PPP2R3A: variants seen among roughly 807,000 people sequenced by gnomAD.
The protein encoded by PPP2R3A is serine/threonine-protein phosphatase 2A regulatory subunit B'' subunit alpha.
Under a neutral mutation model 106.9 loss-of-function variants are expected in PPP2R3A, and 80 were observed. The ratio of observed to expected loss-of-function variants is 0.75; its 90% confidence interval spans 0.62 to 0.90. The LOEUF is 0.90. Among genes scored for constraint, PPP2R3A ranks in the 40% least tolerant of loss-of-function variants. The pLI is 0.00. For synonymous variants in PPP2R3A, 483 were observed against 468.3 expected, an observed-to-expected ratio of 1.03 and a Z score of -0.41; for missense variants, 1,386 against 1,350.4, an observed-to-expected ratio of 1.03 and a Z score of -0.41.
intron 13 of PPP2R3A, among the ~76,000 whole-genome samples, chr3:136,143,158 CT>C (rs1014282665): frequency 6.6e-6 from 1 of 152,190 alleles, no homozygotes; most frequent in Non-Finnish European, 1.5e-5. Context: ...ATCAAGTAAG[CT>C]TTTTAAAAGG....
At chr3:136,097,555 T>A (rs566254595) in intron 10 of PPP2R3A, among the ~76,000 whole-genome samples, 1 of 152,366 alleles carries the variant, frequency 6.6e-6, no homozygotes, top group African/African-American at 2.4e-5. Context: ...TGCTTTAGCT[T>A]TATTTATTGT....
intron 13 of PPP2R3A, among the ~76,000 whole-genome samples, chr3:136,133,774 A>G (rs895084620): frequency 2.0e-5 from 3 of 150,106 alleles, no homozygotes; most frequent in Non-Finnish European, 4.4e-5. Flanking sequence ...AAAAATAAAT[A>G]TGTATATATA....
chr3:136,013,508 A>AT (rs958588134), intron 2 of PPP2R3A, among the ~76,000 whole-genome samples: 3 of 152,106 alleles, frequency 2.0e-5, no homozygotes, highest in Admixed American at 1.3e-4. Context: ...CACCATGCCA[A>AT]TATCTACTAT....
At chr3:136,056,597 G>A (rs1187890411) in intron 5 of PPP2R3A, among the ~76,000 whole-genome samples, 2 of 151,772 alleles carry the variant, frequency 1.3e-5, no homozygotes, top group Non-Finnish European at 2.9e-5. Flanking sequence ...CTGAAAATGG[G>A]TTAAAGACTT....
At chr3:136,106,037 C>G (rs1326130132) in intron 12 of PPP2R3A, among the ~76,000 whole-genome samples, 179 bp from the exon 13 acceptor site, 4 of 152,140 alleles carry the variant, frequency 2.6e-5, no homozygotes, top group African/African-American at 7.2e-5. Context: ...TATAATTTTG[C>G]CATTTGAGGT....
At chr3:136,043,242 G>A (rs533625260) in intron 4 of PPP2R3A, among the ~76,000 whole-genome samples, 2 of 152,142 alleles carry the variant, frequency 1.3e-5, no homozygotes, top group East Asian at 1.9e-4. Flanking sequence ...GGCAGATCCC[G>A]AGGTCAGGAG....
intron 1 of PPP2R3A, among the ~76,000 whole-genome samples, chr3:135,982,001 A>AG (rs1302056546): frequency 6.6e-6 from 1 of 151,776 alleles, no homozygotes; most frequent in East Asian, 1.9e-4. Context: ...TGGAGAGGCA[A>AG]GAGTGGAAGC....
chr3:136,030,170 A>T (rs1454642907), intron 3 of PPP2R3A, among the ~76,000 whole-genome samples: 1 of 151,946 alleles, frequency 6.6e-6, no homozygotes, highest in African/African-American at 2.4e-5. Context: ...GTGAGCCATG[A>T]TCATACCACC....
intron 6 of PPP2R3A, among the ~76,000 whole-genome samples, chr3:136,076,426 T>G (rs554667289): frequency 6.6e-6 from 1 of 152,202 alleles, no homozygotes; most frequent in African/African-American, 2.4e-5. Flanking sequence ...GCACATTATA[T>G]ATGATTCTAT....
intron 4 of PPP2R3A, among the ~76,000 whole-genome samples, chr3:136,044,893 G>GT (rs1935420624): frequency 6.6e-6 from 1 of 152,168 alleles, no homozygotes; most frequent in South Asian, 2.1e-4. Context: ...CACCATGGAC[G>GT]TTTGAGTTGG....
intron 9 of PPP2R3A, among the ~76,000 whole-genome samples, chr3:136,089,604 G>GT (rs542806670): frequency 0.035 from 4,814 of 139,254 alleles, 101 homozygotes; most frequent in African/African-American, 0.064. Context: ...GAATGGTGTT[G>GT]TTTTTTTTTT....
intron 3 of PPP2R3A, 60 bp downstream of exon 3, chr3:136,027,158 C>T (rs1208651752): frequency 8.2e-6 from 12 of 1,460,768 alleles, no homozygotes; most frequent in Non-Finnish European, 1.1e-5. Context: ...GATCCCCTCC[C>T]CTTCTCTAGA....
At chr3:136,123,855 C>T (rs1477956266) in intron 13 of PPP2R3A, among the ~76,000 whole-genome samples, 1 of 152,154 alleles carries the variant, frequency 6.6e-6, no homozygotes, top group Non-Finnish European at 1.5e-5. Context: ...ATTGCAGACA[C>T]TCAAGGATAC....
intron 2 of PPP2R3A, among the ~76,000 whole-genome samples, chr3:136,011,066 T>C (rs1934053780): frequency 6.6e-6 from 1 of 152,142 alleles, no homozygotes; most frequent in Non-Finnish European, 1.5e-5. Context: ...TCCCATTTGC[T>C]GTTCCTTCTT....
intron 2 of PPP2R3A, among the ~76,000 whole-genome samples, chr3:136,008,289 G>A (rs888869746): frequency 1.3e-5 from 2 of 152,124 alleles, no homozygotes; most frequent in Non-Finnish European, 2.9e-5. Flanking sequence ...CATGGTGCCT[G>A]GATTCAGTGC....
intron 13 of PPP2R3A, among the ~76,000 whole-genome samples, chr3:136,136,063 AAAAAAAAAAATTATATATAT>A (rs1331769976): frequency 0.019 from 919 of 48,598 alleles, 60 homozygotes; most frequent in East Asian, 0.095. Context: ...AAAAAAAAAA[AAAAAAAAAAATTATATATAT>A]ATATATATAT....
intron 1 of PPP2R3A, among the ~76,000 whole-genome samples, chr3:135,975,258 A>G (rs1937384666): frequency 1.3e-5 from 2 of 152,080 alleles, no homozygotes; most frequent in South Asian, 2.1e-4. Context: ...CTACTGAGAA[A>G]TGCCCCAGGC....
intron 1 of PPP2R3A, among the ~76,000 whole-genome samples, chr3:135,994,233 C>G (rs927475222): frequency 6.6e-6 from 1 of 152,188 alleles, no homozygotes; most frequent in African/African-American, 2.4e-5. Flanking sequence ...CTTTAATCCA[C>G]AGTGGAGACT....
chr3:136,077,453 C>G (rs1037329131), intron 6 of PPP2R3A, among the ~76,000 whole-genome samples: 1 of 152,056 alleles, frequency 6.6e-6, no homozygotes, highest in African/African-American at 2.4e-5. Context: ...ACCAAAGATA[C>G]AGGATTTCTG....
Sources: gnomAD v4.1 joint callset for allele counts (sites outside exome capture counted in the v4.1 genomes callset) on GRCh38, gnomAD v4.1.1 for gene constraint, MANE v1.5 for transcripts, NCBI Gene and HGNC (gene_info 2026-07-23, HGNC 2026-07-21) for gene names.